USP24: variants seen among roughly 807,000 people sequenced by gnomAD.
The protein encoded by USP24 is ubiquitin specific peptidase 24, also known as ubiquitin carboxyl-terminal hydrolase 24.
Under a neutral mutation model 361.6 loss-of-function variants are expected in USP24, and 97 were observed. The ratio of observed to expected loss-of-function variants is 0.27; its 90% CI spans 0.23 to 0.32. The LOEUF (loss-of-function observed/expected upper bound fraction) is 0.32, where lower values mean the gene tolerates loss of function less well. Among genes scored for constraint, USP24 ranks in the 10% least tolerant of loss-of-function variants. The pLI, the probability that USP24 is intolerant of heterozygous loss-of-function variation, is 1.00. For missense variants in USP24, 2,353 were observed against 3,165.6 expected (o/e 0.74, Z 6.16); for synonymous variants, 1,098 against 1,124.6 (o/e 0.98, Z 0.47).
At chr1:55,156,446 C>A (rs1338370842) in intron 12 of USP24, among the ~76,000 whole-genome samples, 1 of 150,312 alleles carries the variant, frequency 6.7e-6, no homozygotes, top group African/African-American at 2.5e-5. Context: ...AGGAGCAATG[C>A]TAGGAAAGTT....
At chr1:55,199,614 T>TGAGAGAGAGAGAGA (rs1398156773) in intron 1 of USP24, among the ~76,000 whole-genome samples, 1 of 140,584 alleles carries the variant, frequency 7.1e-6, no homozygotes, top group South Asian at 2.1e-4. Flanking sequence ...TGTGTGTGTG[T>TGAGAGAGAGAGAGA]GTGTGTGTGA....
At chr1:55,073,593 A>G (rs1644963337) in intron 64 of USP24, among the ~76,000 whole-genome samples, 1 of 152,126 alleles carries the variant, frequency 6.6e-6, no homozygotes. Flanking sequence ...CCTTTCTGAC[A>G]TAAGGCCTGA....
At chr1:55,094,656 G>A (rs1359834346) in intron 51 of USP24, among the ~76,000 whole-genome samples, 1 of 145,370 alleles carries the variant, frequency 6.9e-6, no homozygotes, top group Non-Finnish European at 1.5e-5. Flanking sequence ...ATAGCATTAT[G>A]CTTTGGACAA....
intron 1 of USP24, among the ~76,000 whole-genome samples, chr1:55,179,570 T>TC (rs1304724385): frequency 6.6e-6 from 1 of 152,178 alleles, no homozygotes; most frequent in African/African-American, 2.4e-5. Flanking sequence ...TAAATCCTGG[T>TC]CCCCTTCTTG....
chr1:55,189,005 TAAC>T (rs964244846), intron 1 of USP24, among the ~76,000 whole-genome samples: 4 of 95,236 alleles, frequency 4.2e-5, no homozygotes, highest in African/African-American at 1.5e-4. Context: ...AGACAGGAAA[TAAC>T]AAGTATTGGT....
At position 55,200,813 on chromosome 1, in the gene USP24, A is replaced by T. The variant is rs114137064; in HGVS notation, c.324+13977T>A. 4.0e-4 allele frequency among the ~76,000 whole-genome samples: 61 copies of T among 152,346 alleles called. 1 individual carries two copies. Among genetic ancestry groups the T allele is most frequent in the African/African-American group, 1.4e-3 (58 of 41,584 alleles). On this transcript the variant is annotated intron_variant, in intron 1 of 67. Coordinates refer to ENST00000294383, the MANE Select transcript of USP24 (RefSeq NM_015306.3). Reference sequence around the variant, plus strand: ...CACCTAAGTGATGTAACAAAACTACATAAAAACAGACTGGCAAACAGTCCT... The same window carrying T: ...CACCTAAGTGATGTAACAAAACTACTTAAAAACAGACTGGCAAACAGTCCT...
At position 55,085,167 on chromosome 1, in the gene USP24, C is replaced by T. The variant is rs527522184; in HGVS notation, c.6765+775G>A. Among the ~76,000 whole-genome samples the T allele has an allele frequency of 1.2e-4, 19 of 152,274 alleles. No individual in the cohort carries two copies. The South Asian group carries it at 2.9e-3, about 23-fold the overall frequency. On this transcript the variant is annotated intron_variant, in intron 56 of 67. Transcript: ENST00000294383. ...TAAACCTCAACTTCCTAATGATTCC[C>T]GGAATTGAGATACAGTCTTTGAGGA...
intron 38 of USP24, among the ~76,000 whole-genome samples, chr1:55,111,915 C>A (rs939025644): frequency 1.3e-5 from 2 of 151,932 alleles, no homozygotes; most frequent in African/African-American, 4.8e-5. Context: ...TTAGAAAGTG[C>A]ATGAGAATAG....
At chr1:55,148,607 A>C (rs373139705) in intron 16 of USP24, 37 bp from the exon 17 acceptor site, 17 of 1,418,880 alleles carry the variant, frequency 1.2e-5, no homozygotes, top group Admixed American at 4.5e-5. Context: ...TTAAATTTAG[A>C]AATAAACAGC....
intron 46 of USP24, 62 bp from the exon 47 acceptor site, chr1:55,098,146 A>G: frequency 4.1e-6 from 6 of 1,478,714 alleles, no homozygotes; most frequent in Non-Finnish European, 5.4e-6. Flanking sequence ...TTCAATTATC[A>G]TAATACCTAA....
chr1:55,165,279 T>C (rs1183335832), intron 7 of USP24, among the ~76,000 whole-genome samples: 1 of 152,108 alleles, frequency 6.6e-6, no homozygotes, highest in Admixed American at 6.6e-5. Context: ...TTTAGTTGAA[T>C]GATTAATTAG....
intron 7 of USP24, among the ~76,000 whole-genome samples, chr1:55,164,460 T>C (rs1192028757): frequency 2.0e-5 from 3 of 152,024 alleles, no homozygotes; most frequent in African/African-American, 7.2e-5. Flanking sequence ...GACTTAATAT[T>C]ATGGCCTAAA....
At chr1:55,129,335 A>G (rs1009342948) in intron 32 of USP24, 142 bp downstream of exon 32, 7 of 573,530 alleles carry the variant, frequency 1.2e-5, no homozygotes, top group Non-Finnish European at 1.8e-5. Flanking sequence ...TAAAGGACTG[A>G]AACATCATTC....
intron 16 of USP24, among the ~76,000 whole-genome samples, chr1:55,152,377 T>C (rs1647227055): frequency 6.6e-6 from 1 of 152,156 alleles, no homozygotes; most frequent in South Asian, 2.1e-4. Flanking sequence ...AGCTAAGTAA[T>C]GTTTAGCTGT....
At chr1:55,188,964 C>CAAAAAAAAAAAAAAAAAA (rs533085761) in intron 1 of USP24, among the ~76,000 whole-genome samples, 8 of 74,390 alleles carry the variant, frequency 1.1e-4, no homozygotes, top group African/African-American at 3.5e-4. Context: ...AACTCCATCT[C>CAAAAAAAAAAAAAAAAAA]AAAAAAAAAA....
chr1:55,089,979 C>T (rs1191744811), intron 54 of USP24, among the ~76,000 whole-genome samples: 1 of 152,020 alleles, frequency 6.6e-6, no homozygotes, highest in African/African-American at 2.4e-5. Flanking sequence ...TCTTTCCCCA[C>T]AAACAAAAAA....
At position 55,068,714 on chromosome 1, in the gene USP24, CA is replaced by C. The variant is rs1317707999; in HGVS notation, c.*330del. The C allele has an allele frequency of 3.5e-6, 1 of 283,674 alleles. No individual in the cohort carries two copies. Among genetic ancestry groups the C allele is most frequent in the Non-Finnish European group, 6.5e-6 (1 of 154,038 alleles). 17.6% of individuals were successfully genotyped at this position (283,674 alleles called of 1,614,324 possible). A position where few individuals can be genotyped will look rare whatever the true frequency, so the allele number is the denominator to read the frequency against. ...TTTTGTAGCATCGTAGAGAAAGCAACAGCTTTATGCTCACTCTTGTATGTTC... is the reference window on the plus strand; with the variant it reads ...TTTTGTAGCATCGTAGAGAAAGCAACGCTTTATGCTCACTCTTGTATGTTC... On this transcript the variant is annotated 3_prime_UTR_variant, in exon 68 of 68. Coordinates refer to ENST00000294383, the MANE Select transcript of USP24 (RefSeq NM_015306.3).
At chr1:55,165,606 C>A (rs1030284100) in intron 7 of USP24, among the ~76,000 whole-genome samples, 2 of 151,914 alleles carry the variant, frequency 1.3e-5, no homozygotes, top group African/African-American at 4.8e-5. Context: ...CATATAGCAA[C>A]CAACTTTAAA....
At chr1:55,106,287 G>A in intron 40 of USP24, 24 bp from the exon 41 acceptor site, 1 of 1,536,532 alleles carries the variant, frequency 6.5e-7, no homozygotes, top group Non-Finnish European at 9.0e-7. Flanking sequence ...TAATATTCAT[G>A]TTGAAGATGA....
Sources: allele counts gnomAD v4.1 joint callset (sites outside exome capture counted in the v4.1 genomes callset), GRCh38; gene constraint gnomAD v4.1.1; transcripts MANE v1.5; gene names NCBI Gene and HGNC (gene_info 2026-07-23, HGNC 2026-07-21).